Variants in CEP85L observed in about 807,000 individuals in gnomAD.
The protein encoded by CEP85L is centrosomal protein 85L.
CEP85L carries 60 observed loss-of-function variants against 100.3 expected under a neutral mutation model. That is an observed-to-expected ratio of 0.60 (90% CI 0.49 to 0.74). The LOEUF is 0.74. Among genes scored for constraint, CEP85L ranks in the 30% least tolerant of loss-of-function variants. CEP85L has a pLI of 0.00. For missense variants in CEP85L, 973 were observed against 936.2 expected (o/e 1.04, Z -0.51); for synonymous variants, 319 against 322.7 (o/e 0.99, Z 0.12).
chr6:118,661,091 T>TG (rs973067223), intron 1 of CEP85L, among the ~76,000 whole-genome samples: 137 of 152,250 alleles, frequency 9.0e-4, no homozygotes, highest in African/African-American at 3.1e-3. Context: ...TTCACTGTGT[T>TG]GGCCAGGCTG....
intron 3 of CEP85L, among the ~76,000 whole-genome samples, chr6:118,524,168 T>C (rs941659638): frequency 2.0e-5 from 3 of 152,146 alleles, no homozygotes; most frequent in Non-Finnish European, 4.4e-5. Flanking sequence ...TATAAAACTA[T>C]ATAAGATCTT....
chr6:118,632,585 G>A lies in CEP85L; in HGVS notation c.100C>T (p.Pro34Ser). Reference protein sequence around the residue: ...AGPDYSSAWLPANESLWQATT... With the variant: ...AGPDYSSAWLSANESLWQATT... ...GCCTGCCACAATGATTCATTAGCAG[G>A]TAGCCATGCTGATGAATAATCTGGG... The change falls in exon 2 of 13, where the codon CCT becomes TCT. Residue 34 changes from proline (P) to serine (S), a missense_variant. Physicochemically the swap from Pro to Ser is moderately conservative, Grantham distance 74. Coordinates refer to ENST00000368491, the MANE Select transcript of CEP85L (RefSeq NM_001042475.3). 23 of 1,611,618 alleles carry A rather than the reference G, an allele frequency of 1.4e-5. No homozygotes were observed. The highest frequency in any genetic ancestry group is 1.9e-5 in the Non-Finnish European group (22 of 1,179,158).
intron 4 of CEP85L, among the ~76,000 whole-genome samples, chr6:118,513,710 AAAAGCTG>A (rs1213584614): frequency 2.6e-5 from 4 of 152,254 alleles, no homozygotes; most frequent in African/African-American, 9.6e-5. Flanking sequence ...TTGGAAACTT[AAAAGCTG>A]AAAGAATTGA....
At chr6:118,514,504 GA>G (rs1347537889) in intron 4 of CEP85L, among the ~76,000 whole-genome samples, 1 of 125,014 alleles carries the variant, frequency 8.0e-6, no homozygotes, top group Non-Finnish European at 1.6e-5. Flanking sequence ...CAGCCTGGGA[GA>G]CAGAGCAAGA....
At chr6:118,484,785 C>T (rs1216737556) in intron 6 of CEP85L, among the ~76,000 whole-genome samples, 1 of 152,136 alleles carries the variant, frequency 6.6e-6, no homozygotes, top group African/African-American at 2.4e-5. Context: ...AACAGACTTG[C>T]AGAGAAATTG....
At chr6:118,579,412 A>G (rs971177765) in intron 2 of CEP85L, among the ~76,000 whole-genome samples, 1 of 151,986 alleles carries the variant, frequency 6.6e-6, no homozygotes, top group Non-Finnish European at 1.5e-5. Context: ...AAAAAATTAG[A>G]ATTTTTTTCT....
At chr6:118,511,113 G>A (rs533897634) in intron 5 of CEP85L, among the ~76,000 whole-genome samples, 185 bp downstream of exon 5, 6 of 152,226 alleles carry the variant, frequency 3.9e-5, no homozygotes, top group African/African-American at 9.6e-5. Flanking sequence ...TGTGTGTGGA[G>A]AGGGGTGTGC....
intron 3 of CEP85L, among the ~76,000 whole-genome samples, chr6:118,555,525 A>G (rs1778809652): frequency 6.6e-6 from 1 of 152,182 alleles, no homozygotes; most frequent in South Asian, 2.1e-4. Flanking sequence ...ACATAAGCAA[A>G]TATCAACATA....
At chr6:118,527,119 A>G (rs1213874052) in intron 3 of CEP85L, among the ~76,000 whole-genome samples, 1 of 146,420 alleles carries the variant, frequency 6.8e-6, no homozygotes, top group African/African-American at 2.6e-5. Flanking sequence ...GGTTCAAGCG[A>G]TTCTCCTGCC....
At chr6:118,567,225 GTGTGTGTGTGTGTGTGTGTGTGTGTA>G (rs1779569419) in intron 2 of CEP85L, among the ~76,000 whole-genome samples, 1 of 71,456 alleles carries the variant, frequency 1.4e-5, no homozygotes, top group East Asian at 3.4e-4. Flanking sequence ...GTGTGTGTGT[GTGTGTGTGTGTGTGTGTGTGTGTGTA>G]TATATATATA....
At chr6:118,505,203 G>A (rs1398469196) in intron 5 of CEP85L, among the ~76,000 whole-genome samples, 3 of 151,782 alleles carry the variant, frequency 2.0e-5, no homozygotes, top group Non-Finnish European at 2.9e-5. Context: ...GCACTTTGGC[G>A]GGACTAAGGC....
intron 10 of CEP85L, among the ~76,000 whole-genome samples, chr6:118,473,878 A>G (rs1289453562): frequency 6.6e-6 from 1 of 152,186 alleles, no homozygotes. Flanking sequence ...AGATGCCATT[A>G]ATAGGAAATC....
rs751653635 is a variant in CEP85L, at chr6:118,662,418, T to A, written c.-27-9610A>T. On this transcript the variant is annotated intron_variant, in intron 1 of 13. Transcript: ENST00000368488. ...GGAGGCGCATGGCTGTAATCCCAGA[T>A]ACTCGGGAGGCTGAGGCAGGAGAAT... 1.3e-4 allele frequency among the ~76,000 whole-genome samples: 19 copies of A among 151,630 alleles called. 1 individual carries two copies. The highest frequency in any genetic ancestry group is 2.5e-4 in the Non-Finnish European group (17 of 67,974).
chr6:118,516,610 T>C (rs1031378820), intron 4 of CEP85L, among the ~76,000 whole-genome samples: 1 of 152,230 alleles, frequency 6.6e-6, no homozygotes, highest in African/African-American at 2.4e-5. Context: ...TTTTTTCTTA[T>C]AAATTTGTTT....
intron 5 of CEP85L, 93 bp downstream of exon 5, chr6:118,511,205 A>C: frequency 1.3e-6 from 1 of 790,922 alleles, no homozygotes; most frequent in Admixed American, 2.1e-5. Context: ...TACATTATTA[A>C]GTTGATTTAA....
intron 1 of CEP85L, among the ~76,000 whole-genome samples, chr6:118,690,798 A>C (rs1777012588): frequency 6.6e-6 from 1 of 152,176 alleles, no homozygotes; most frequent in African/African-American, 2.4e-5. Context: ...CAGGAGTTGG[A>C]GACCAGCCTG....
chr6:118,495,779 C>T (rs556134243), intron 5 of CEP85L, among the ~76,000 whole-genome samples: 5 of 152,076 alleles, frequency 3.3e-5, no homozygotes, highest in Admixed American at 6.6e-5. Flanking sequence ...ATCTTTCAGC[C>T]ATCACAACAA....
Position 118,651,319 on chromosome 6 carries a change from G to A in CEP85L, c.-50C>T. 1 of 1,409,934 alleles carries A rather than the reference G, an allele frequency of 7.1e-7. No individual in the cohort carries two copies. The highest frequency in any genetic ancestry group is 9.2e-7 in the Non-Finnish European group (1 of 1,082,650). 87.3% of individuals were successfully genotyped at this position (1,409,934 alleles called of 1,614,324 possible). On this transcript the variant is annotated 5_prime_UTR_variant, in exon 1 of 13. The change creates a new upstream start codon in the 5' untranslated region. Coordinates refer to ENST00000368491, the MANE Select transcript of CEP85L (RefSeq NM_001042475.3). Reference sequence around the variant, plus strand: ...CAGGGACGCCCGACTCCTCACGTCCGTCCTCCTGCTTCTTCGGCGGCGGAA... The same window carrying A: ...CAGGGACGCCCGACTCCTCACGTCCATCCTCCTGCTTCTTCGGCGGCGGAA...
intron 2 of CEP85L, among the ~76,000 whole-genome samples, chr6:118,590,552 G>GAT (rs1781127791): frequency 6.6e-6 from 1 of 152,058 alleles, no homozygotes; most frequent in South Asian, 2.1e-4. Context: ...TTAAGTGAAT[G>GAT]ATATACCTGG....
Sources: gnomAD v4.1 joint callset for allele counts (sites outside exome capture counted in the v4.1 genomes callset) on GRCh38, gnomAD v4.1.1 for gene constraint, MANE v1.5 for transcripts, NCBI Gene and HGNC (gene_info 2026-07-23, HGNC 2026-07-21) for gene names.